GLDC: variants seen among roughly 807,000 people sequenced by gnomAD.
The protein encoded by GLDC is glycine dehydrogenase (decarboxylating), mitochondrial.
A neutral mutation model predicts 121.3 loss-of-function variants in GLDC; 104 were observed. The ratio of observed to expected loss-of-function variants is 0.86; its 90% CI spans 0.73 to 1.01. GLDC has a LOEUF of 1.01. Ranked by LOEUF, GLDC falls within the 50% of genes least tolerant of loss-of-function variation. The pLI is 0.00. For missense variants in GLDC, 1,429 were observed against 1,306.6 expected, an observed-to-expected ratio of 1.09 and a Z score of -1.44; for synonymous variants, 546 against 480.6, an observed-to-expected ratio of 1.14 and a Z score of -1.78.
chr9:6,616,596 C>T (rs1000262162), intron 3 of GLDC, among the ~76,000 whole-genome samples: 2 of 152,168 alleles, frequency 1.3e-5, no homozygotes, highest in Non-Finnish European at 2.9e-5. Context: ...ATCATGTTTA[C>T]AAGAGTTTGA....
intron 3 of GLDC, among the ~76,000 whole-genome samples, chr9:6,614,827 C>T (rs1000662046): frequency 6.6e-6 from 1 of 152,200 alleles, no homozygotes; most frequent in Non-Finnish European, 1.5e-5. Context: ...TAGCCTACTA[C>T]ACACCTAGGC....
At chr9:6,549,333 G>C (rs1316492809) in intron 21 of GLDC, among the ~76,000 whole-genome samples, 1 of 142,678 alleles carries the variant, frequency 7.0e-6, no homozygotes, top group Non-Finnish European at 1.5e-5. Context: ...TACCAAGTGG[G>C]AGAGCAGCTG....
At chr9:6,617,936 T>C (rs184957789) in intron 3 of GLDC, among the ~76,000 whole-genome samples, 104 of 152,340 alleles carry the variant, frequency 6.8e-4, no homozygotes, top group Middle Eastern at 3.4e-3. Flanking sequence ...AAAGTTGGTT[T>C]TTACATATGT....
chr9:6,558,341 T>C (rs988691295), intron 17 of GLDC: 6 of 670,080 alleles, frequency 9.0e-6, no homozygotes, highest in Non-Finnish European at 2.7e-6. Context: ...ACTACCACCA[T>C]GAATAATTCA....
chr9:6,584,743 T>C (rs545374601), intron 15 of GLDC, among the ~76,000 whole-genome samples: 2 of 152,324 alleles, frequency 1.3e-5, no homozygotes, highest in South Asian at 4.1e-4. Flanking sequence ...GCCTAAACAT[T>C]GTGCAAAGCC....
Position 6,595,056 on chromosome 9 carries a change from T to C in GLDC, c.1219A>G (p.Ile407Val), listed in dbSNP as rs1306671848. Residue 407 changes from isoleucine (I) to valine (V), a missense_variant, in exon 9 of 25, where the codon ATT (isoleucine) becomes GTT (valine). Physicochemically the swap from Ile to Val is conservative, Grantham distance 29. Coordinates refer to ENST00000321612, the MANE Select transcript of GLDC (RefSeq NM_000170.3). ...IYHGSHGLEH[I>V]ARRVHNATLI... ...GTGGCATTATGTACCCTCCTAGCAATATGCTCCAGCCCATGGGAACCATGG... is the reference window on the plus strand; with the variant it reads ...GTGGCATTATGTACCCTCCTAGCAACATGCTCCAGCCCATGGGAACCATGG... The C allele has an allele frequency of 6.2e-7, 1 of 1,613,094 alleles. No individual in the cohort carries two copies. The highest frequency in any genetic ancestry group is 8.5e-7 in the Non-Finnish European group (1 of 1,179,070).
At chr9:6,551,806 G>T (rs1183177335) in intron 20 of GLDC, among the ~76,000 whole-genome samples, 1 of 152,160 alleles carries the variant, frequency 6.6e-6, no homozygotes, top group African/African-American at 2.4e-5. Flanking sequence ...ATCTGGGAGT[G>T]GATGTAGGGC....
At chr9:6,594,010 A>G (rs1250346834) in intron 9 of GLDC, among the ~76,000 whole-genome samples, 6 of 151,790 alleles carry the variant, frequency 4.0e-5, no homozygotes, top group Non-Finnish European at 7.4e-5. Flanking sequence ...ATTTTTTTAT[A>G]GAGATGTGGT....
intron 21 of GLDC, among the ~76,000 whole-genome samples, chr9:6,547,195 G>A (rs1341509265): frequency 6.6e-6 from 1 of 151,950 alleles, no homozygotes; most frequent in Non-Finnish European, 1.5e-5. Context: ...GAACAAATAA[G>A]CAATTAGGGA....
intron 2 of GLDC, among the ~76,000 whole-genome samples, chr9:6,630,415 A>G (rs1819352338): frequency 6.6e-6 from 1 of 152,160 alleles, no homozygotes; most frequent in Non-Finnish European, 1.5e-5. Context: ...CCCAGCCAGC[A>G]GCGCCTCACA....
chr9:6,596,983 A>C (rs941770546), intron 8 of GLDC, among the ~76,000 whole-genome samples: 4 of 152,256 alleles, frequency 2.6e-5, no homozygotes, highest in Admixed American at 2.6e-4. Flanking sequence ...ATGTTTACCA[A>C]TTGATGAATG....
rs1819702080 is a variant in GLDC, at chr9:6,644,654, G to A, written c.294C>T (p.Asn98=). 6.2e-7 allele frequency: 1 copy of A among 1,613,598 alleles called. No individual in the cohort carries two copies. The highest frequency in any genetic ancestry group is 8.5e-7 in the Non-Finnish European group (1 of 1,179,536). ...DELIEKTVPA[N]IRLKRPLKME... ...TTTTCAAGGGTCTTTTCAAACGGAT[G>A]TTGGCAGGGACCGTCTTCTCGATCA... Residue 98 remains asparagine (N), a synonymous_variant, in exon 2 of 25, where the codon AAC becomes AAT. Transcript: ENST00000321612.
intron 3 of GLDC, among the ~76,000 whole-genome samples, chr9:6,617,065 T>C (rs1449128962): frequency 6.6e-6 from 1 of 152,208 alleles, no homozygotes; most frequent in Non-Finnish European, 1.5e-5. Context: ...GTTTGTTTTC[T>C]TTCGAGGCTA....
At chr9:6,540,782 G>C (rs1218560743) in intron 21 of GLDC, 1 of 152,960 alleles carries the variant, frequency 6.5e-6, no homozygotes, top group Non-Finnish European at 1.5e-5. Context: ...GTGCGACCCA[G>C]TTCACTTTGT....
chr9:6,590,732 AC>A (rs1158562065), intron 11 of GLDC, among the ~76,000 whole-genome samples: 2 of 152,158 alleles, frequency 1.3e-5, no homozygotes, highest in African/African-American at 4.8e-5. Flanking sequence ...GGCCCTCTTG[AC>A]CCCTTAGTGA....
At chr9:6,619,146 CAAAAAAAAAA>C (rs1162280442) in intron 3 of GLDC, among the ~76,000 whole-genome samples, 2,180 of 60,582 alleles carry the variant, frequency 0.036, 11 homozygotes, top group Non-Finnish European at 0.044. Flanking sequence ...CTGTCTCAGG[CAAAAAAAAAA>C]AAAAAAAAAA....
chr9:6,544,875 G>A (rs547820545), intron 21 of GLDC, among the ~76,000 whole-genome samples: 75 of 152,170 alleles, frequency 4.9e-4, no homozygotes, highest in African/African-American at 1.7e-3. Context: ...CAAGGTGGGT[G>A]GATCACCTGA....
intron 15 of GLDC, among the ~76,000 whole-genome samples, chr9:6,585,233 A>G (rs1024709212): frequency 6.6e-6 from 1 of 152,208 alleles, no homozygotes; most frequent in Non-Finnish European, 1.5e-5. Context: ...TGGGATCACA[A>G]TTTACTGCAA....
chr9:6,559,439 C>T (rs1817702368), intron 16 of GLDC, among the ~76,000 whole-genome samples: 1 of 147,930 alleles, frequency 6.8e-6, no homozygotes, highest in Non-Finnish European at 1.5e-5. Flanking sequence ...TGGTTTAAAC[C>T]AGGAGGTGTA....
Sources: gnomAD v4.1 joint callset for allele counts (sites outside exome capture counted in the v4.1 genomes callset) on GRCh38, gnomAD v4.1.1 for gene constraint, MANE v1.5 for transcripts, NCBI Gene and HGNC (gene_info 2026-07-23, HGNC 2026-07-21) for gene names.